Variants in PACRG observed in about 807,000 individuals in gnomAD.
PACRG encodes parkin coregulated gene protein.
In PACRG, 29 loss-of-function variants were observed where a neutral mutation model predicts 29.7. The ratio of observed to expected loss-of-function variants is 0.98; its 90% CI spans 0.73 to 1.33. The LOEUF (loss-of-function observed/expected upper bound fraction) is 1.33. Ranked by LOEUF, PACRG falls within the 40% of genes most tolerant of loss-of-function variation. The pLI, the probability that PACRG is intolerant of heterozygous loss-of-function variation, is 0.00. For synonymous variants in PACRG, 116 were observed against 118.7 expected, an observed-to-expected ratio of 0.98 and a Z score of 0.15; for missense variants, 279 against 316.2, an observed-to-expected ratio of 0.88 and a Z score of 0.89.
chr6:162,852,001 G>GGAA (rs1554291923), intron 2 of PACRG, among the ~76,000 whole-genome samples: 4 of 100,002 alleles, frequency 4.0e-5, no homozygotes, highest in Non-Finnish European at 3.8e-5. Flanking sequence ...GGGAGGGAGG[G>GGAA]AGGGAGGAAG....
At chr6:162,749,084 T>C (rs1781316574) in intron 1 of PACRG, among the ~76,000 whole-genome samples, 1 of 151,730 alleles carries the variant, frequency 6.6e-6, no homozygotes, top group Non-Finnish European at 1.5e-5. Flanking sequence ...TTGAGATGCA[T>C]TCATTTGTAT....
intron 2 of PACRG, among the ~76,000 whole-genome samples, chr6:162,832,403 C>A (rs1788858987): frequency 6.6e-6 from 1 of 152,068 alleles, no homozygotes; most frequent in African/African-American, 2.4e-5. Flanking sequence ...AATTATTTTT[C>A]ATGAAATCTA....
At chr6:163,080,681 A>T (rs1159483382) in intron 3 of PACRG, among the ~76,000 whole-genome samples, 1 of 152,234 alleles carries the variant, frequency 6.6e-6, no homozygotes, top group Non-Finnish European at 1.5e-5. Flanking sequence ...AACACTTTCA[A>T]CAAATACTAA....
At chr6:163,172,733 G>C (rs1397202832) in intron 4 of PACRG, among the ~76,000 whole-genome samples, 1 of 152,158 alleles carries the variant, frequency 6.6e-6, no homozygotes, top group Non-Finnish European at 1.5e-5. Flanking sequence ...AATGTCATTG[G>C]CCTCAATTAC....
At chr6:162,895,066 G>A (rs1795058587) in intron 2 of PACRG, among the ~76,000 whole-genome samples, 1 of 151,876 alleles carries the variant, frequency 6.6e-6, no homozygotes, top group Non-Finnish European at 1.5e-5. Context: ...AACTTCACCT[G>A]CCTGGGCAAC....
Position 163,286,877 on chromosome 6 carries a change from C to T in PACRG, c.614-27950C>T, listed in dbSNP as rs149116129. ...ATTTATGTGTGTGTTTATGTGTACA[C>T]GTGTAGATGTATGTGCATATATGTA... On this transcript the variant is annotated intron_variant, in intron 4 of 4. Transcript: ENST00000366888. Among the ~76,000 whole-genome samples the T allele has an allele frequency of 8.1e-3, 1,224 of 151,988 alleles. 9 individuals are homozygous for T. Among genetic ancestry groups the T allele is most frequent in the Non-Finnish European group, 0.013 (860 of 67,994 alleles).
chr6:162,980,995 G>T (rs1180078416), intron 2 of PACRG, among the ~76,000 whole-genome samples: 1 of 151,980 alleles, frequency 6.6e-6, no homozygotes, highest in Non-Finnish European at 1.5e-5. Flanking sequence ...CACCCGAGCA[G>T]TGTCTACTGT....
At chr6:163,155,231 G>A (rs765929098) in intron 4 of PACRG, among the ~76,000 whole-genome samples, 4 of 152,172 alleles carry the variant, frequency 2.6e-5, no homozygotes, top group Non-Finnish European at 5.9e-5. Context: ...CCAAAGATAC[G>A]TATGCTTCCT....
intron 4 of PACRG, among the ~76,000 whole-genome samples, chr6:163,307,436 G>A (rs1403131308): frequency 4.6e-5 from 7 of 152,232 alleles, no homozygotes; most frequent in African/African-American, 1.7e-4. Context: ...AAGATTTGAA[G>A]TGGGTAAGCC....
intron 2 of PACRG, among the ~76,000 whole-genome samples, chr6:162,907,770 C>T (rs1355625083): frequency 6.6e-6 from 1 of 152,076 alleles, no homozygotes; most frequent in Non-Finnish European, 1.5e-5. Context: ...AGCTATAAAA[C>T]ATATTTTGAA....
intron 4 of PACRG, among the ~76,000 whole-genome samples, chr6:163,202,052 G>A (rs906687205): frequency 3.3e-5 from 5 of 152,202 alleles, no homozygotes; most frequent in African/African-American, 4.8e-5. Flanking sequence ...GAAGCAGTGC[G>A]AGCAAACGCG....
At chr6:163,123,848 A>C (rs1373647099) in intron 4 of PACRG, among the ~76,000 whole-genome samples, 2 of 152,186 alleles carry the variant, frequency 1.3e-5, no homozygotes, top group Admixed American at 6.5e-5. Context: ...TAAAGCCAGG[A>C]TAGTATTCTA....
At chr6:163,295,081 A>G (rs746211418) in intron 4 of PACRG, among the ~76,000 whole-genome samples, 21 of 152,234 alleles carry the variant, frequency 1.4e-4, no homozygotes, top group Non-Finnish European at 5.9e-5. Flanking sequence ...TGCTTAGCAT[A>G]GTGCCTGACA....
At chr6:162,854,295 T>TTATTTGTG (rs1342314344) in intron 2 of PACRG, among the ~76,000 whole-genome samples, 1 of 150,752 alleles carries the variant, frequency 6.6e-6, no homozygotes, top group East Asian at 1.9e-4. Context: ...CACACATTTT[T>TTATTTGTG]TATTTGTGAA....
chr6:163,173,619 G>GC (rs1562949564), intron 4 of PACRG, among the ~76,000 whole-genome samples: 1 of 152,150 alleles, frequency 6.6e-6, no homozygotes, highest in East Asian at 1.9e-4. Context: ...GCTCTCCCCC[G>GC]CAAGTGGCAT....
At chr6:163,273,612 A>G (rs1783920869) in intron 4 of PACRG, among the ~76,000 whole-genome samples, 1 of 152,186 alleles carries the variant, frequency 6.6e-6, no homozygotes, top group African/African-American at 2.4e-5. Flanking sequence ...GTATTTGCAC[A>G]GTTAAACAAA....
chr6:163,056,402 C>T (rs1164510616), intron 2 of PACRG, among the ~76,000 whole-genome samples: 4 of 152,176 alleles, frequency 2.6e-5, no homozygotes, highest in South Asian at 4.1e-4. Flanking sequence ...GAACATTATT[C>T]AGCCATTGTT....
At chr6:163,032,872 G>T (rs1328680673) in intron 2 of PACRG, among the ~76,000 whole-genome samples, 2 of 152,132 alleles carry the variant, frequency 1.3e-5, no homozygotes, top group African/African-American at 4.8e-5. Flanking sequence ...TTTTGTGAAA[G>T]AGCAGATCAT....
intron 2 of PACRG, among the ~76,000 whole-genome samples, chr6:162,940,215 A>T (rs892643051): frequency 2.6e-5 from 4 of 152,196 alleles, no homozygotes; most frequent in African/African-American, 7.2e-5. Context: ...AATGAGAAGT[A>T]GAGGCAGGTT....
Sources: allele counts gnomAD v4.1 joint callset (sites outside exome capture counted in the v4.1 genomes callset), GRCh38; gene constraint gnomAD v4.1.1; transcripts MANE v1.5; gene names NCBI Gene and HGNC (gene_info 2026-07-23, HGNC 2026-07-21).